The following UNC13C variants were observed in gnomAD, a reference collection of about 807,000 sequenced individuals.
UNC13C encodes protein unc-13 homolog C.
Under a neutral mutation model 245.4 loss-of-function variants are expected in UNC13C, and 174 were observed. The ratio of observed to expected loss-of-function variants is 0.71; its 90% confidence interval spans 0.63 to 0.80. UNC13C has a LOEUF of 0.80. UNC13C is among the 30% of genes least tolerant of loss of function. UNC13C has a pLI of 0.00. For missense variants in UNC13C, 2,829 were observed against 2,602.9 expected, an observed-to-expected ratio of 1.09 and a Z score of -1.89; for synonymous variants, 992 against 895.1, an observed-to-expected ratio of 1.11 and a Z score of -1.93.
intron 4 of UNC13C, among the ~76,000 whole-genome samples, chr15:54,203,827 T>A (rs2034614828): frequency 6.8e-6 from 1 of 147,860 alleles, no homozygotes; most frequent in Non-Finnish European, 1.5e-5. Flanking sequence ...TATACGTGTA[T>A]GTATATACAC....
intron 2 of UNC13C, among the ~76,000 whole-genome samples, chr15:54,066,523 C>G (rs1898083927): frequency 6.6e-6 from 1 of 152,104 alleles, no homozygotes; most frequent in Non-Finnish European, 1.5e-5. Flanking sequence ...GTGCTATAGG[C>G]CAAGGATTTC....
intron 2 of UNC13C, among the ~76,000 whole-genome samples, chr15:54,130,709 A>G (rs1321995710): frequency 6.6e-6 from 1 of 152,164 alleles, no homozygotes; most frequent in Non-Finnish European, 1.5e-5. Flanking sequence ...TTCATAGGCA[A>G]ATCTTTTCCA....
chr15:54,544,914 C>A (rs912578305), intron 26 of UNC13C, among the ~76,000 whole-genome samples: 1 of 152,184 alleles, frequency 6.6e-6, no homozygotes, highest in Non-Finnish European at 1.5e-5. Flanking sequence ...ATCAAGCTAC[C>A]ATTAACTTTC....
rs2040491595 is a variant in UNC13C, at chr15:54,415,060, A to T, written c.4926A>T (p.Ala1642=). ...TTTTTGCTCTGGATATGAAATATGC[A>T]TTAGAAGGTAATTATAAATATTTAT... ...WTLFALDMKY[A]LEEHENQRLC... The change falls in exon 19 of 33, where the codon GCA becomes GCT. Residue 1642 remains alanine (A), a synonymous_variant. Coordinates refer to ENST00000260323, the MANE Select transcript of UNC13C (RefSeq NM_001080534.3). The T allele has an allele frequency of 6.2e-7, 1 of 1,601,560 alleles. No individual in the cohort carries two copies. The highest frequency in any genetic ancestry group is 8.5e-7 in the Non-Finnish European group (1 of 1,171,550).
chr15:54,237,356 C>T (rs117908091), intron 6 of UNC13C, among the ~76,000 whole-genome samples: 1 of 152,090 alleles, frequency 6.6e-6, no homozygotes, highest in African/African-American at 2.4e-5. Flanking sequence ...CATCTTAAGA[C>T]TGGTCATCTT....
rs751106454 is a variant in UNC13C at position 54,623,804 on chromosome 15, T to C, written c.6209T>C (p.Ile2070Thr). 4 of 1,612,380 alleles carry C rather than the reference T, an allele frequency of 2.5e-6. No individual in the cohort carries two copies. In the Admixed American group the frequency reaches 6.7e-5, roughly 27 times the overall value. Residue 2070 changes from isoleucine (I) to threonine (T), a missense_variant, in exon 32 of 33, where the codon ATT (isoleucine) becomes ACT (threonine). Coordinates refer to ENST00000260323, the MANE Select transcript of UNC13C (RefSeq NM_001080534.3). The part of the protein sequence containing the change: ...DHKVTVKVIA[I>T]NDLNWQTTAM... ...ATTTCCTTTTTTTTAGTGATTGCTA[T>C]TAATGACCTAAACTGGCAGACCACA...
chr15:54,385,421 A>G (rs2039816644), intron 17 of UNC13C, among the ~76,000 whole-genome samples: 1 of 151,604 alleles, frequency 6.6e-6, no homozygotes, highest in South Asian at 2.1e-4. Flanking sequence ...AGGTCATTAC[A>G]TTAAGTACAA....
At chr15:53,897,564 G>T in the UNC13C span, among the ~76,000 whole-genome samples, 1 of 152,110 alleles carries the variant, frequency 6.6e-6, no homozygotes. Flanking sequence ...ATAGGCGTGT[G>T]CCATGGAACC....
chr15:54,180,837 TA>T (rs2033774556), intron 4 of UNC13C, among the ~76,000 whole-genome samples: 1 of 152,062 alleles, frequency 6.6e-6, no homozygotes, highest in Non-Finnish European at 1.5e-5. Context: ...TTGATGGCAT[TA>T]TTCATTTTTT....
At chr15:54,060,289 C>T (rs1008196004) in intron 2 of UNC13C, among the ~76,000 whole-genome samples, 3 of 152,220 alleles carry the variant, frequency 2.0e-5, no homozygotes, top group African/African-American at 7.2e-5. Context: ...CAAACAACCC[C>T]ATCAAAAAGT....
At chr15:54,081,059 G>A (rs1245019045) in intron 2 of UNC13C, among the ~76,000 whole-genome samples, 1 of 151,818 alleles carries the variant, frequency 6.6e-6, no homozygotes, top group Non-Finnish European at 1.5e-5. Flanking sequence ...TAATTTAGTT[G>A]CTTATTCAAA....
chr15:54,344,950 G>A (rs752156100), intron 17 of UNC13C, among the ~76,000 whole-genome samples: 9,771 of 152,072 alleles, frequency 0.064, 386 homozygotes, highest in Admixed American at 0.11. Flanking sequence ...AGAGCAGCCA[G>A]AATTATTTTT....
chr15:54,344,423 A>T (rs1057229374), intron 17 of UNC13C, among the ~76,000 whole-genome samples: 10 of 152,216 alleles, frequency 6.6e-5, no homozygotes, highest in Non-Finnish European at 1.3e-4. Context: ...AGAAAAGATA[A>T]TTATATAATT....
chr15:54,269,004 C>G (rs895416178), intron 10 of UNC13C, among the ~76,000 whole-genome samples: 1 of 151,502 alleles, frequency 6.6e-6, no homozygotes, highest in Non-Finnish European at 1.5e-5. Flanking sequence ...TCTTTCAACT[C>G]AAAGAGTCTA....
At chr15:54,428,909 G>T (rs1226226460) in intron 19 of UNC13C, among the ~76,000 whole-genome samples, 1 of 151,616 alleles carries the variant, frequency 6.6e-6, no homozygotes, top group East Asian at 2.0e-4. Flanking sequence ...ATCACTGAAG[G>T]ATTTCTGCCT....
At chr15:54,043,290 G>A (rs911736452) in intron 2 of UNC13C, among the ~76,000 whole-genome samples, 3 of 152,184 alleles carry the variant, frequency 2.0e-5, no homozygotes, top group African/African-American at 7.2e-5. Flanking sequence ...AGAGAATTTG[G>A]GCAACATTTA....
intron 5 of UNC13C, 63 bp from the exon 6 acceptor site, chr15:54,236,367 T>G (rs2035700348): frequency 3.0e-6 from 4 of 1,330,922 alleles, no homozygotes; most frequent in Non-Finnish European, 4.3e-6. Flanking sequence ...GTTATACTCT[T>G]TTCCTACCTT....
At chr15:54,490,122 G>C (rs1338809663) in intron 19 of UNC13C, among the ~76,000 whole-genome samples, 1 of 152,138 alleles carries the variant, frequency 6.6e-6, no homozygotes, top group Non-Finnish European at 1.5e-5. Context: ...AAGCAACTTT[G>C]TAAGGAGGAA....
intron 19 of UNC13C, among the ~76,000 whole-genome samples, chr15:54,446,037 T>C (rs565398950): frequency 1.3e-5 from 2 of 152,348 alleles, no homozygotes; most frequent in African/African-American, 4.8e-5. Flanking sequence ...CAGCACCGTT[T>C]GTTGAATAGG....
Sources: allele counts gnomAD v4.1 joint callset (sites outside exome capture counted in the v4.1 genomes callset), GRCh38; gene constraint gnomAD v4.1.1; transcripts MANE v1.5; gene names NCBI Gene and HGNC (gene_info 2026-07-23, HGNC 2026-07-21).